KATNBL1: variants seen among roughly 807,000 people sequenced by gnomAD.
The protein encoded by KATNBL1 is katanin regulatory subunit B1 like 1, also known as KATNB1-like protein 1.
KATNBL1 carries 28 observed loss-of-function variants against 44.7 expected under a neutral mutation model. That is an observed-to-expected ratio of 0.63 (90% CI 0.46 to 0.86). KATNBL1 has a LOEUF of 0.86. Among genes scored for constraint, KATNBL1 ranks in the 40% least tolerant of loss-of-function variants. KATNBL1 has a pLI of 0.00. For missense variants in KATNBL1, 272 were observed against 350.7 expected, an observed-to-expected ratio of 0.78 and a Z score of 1.79; for synonymous variants, 78 against 114.9, an observed-to-expected ratio of 0.68 and a Z score of 2.06.
chr15:34,206,226 T>C (rs1416045604), intron 1 of KATNBL1, among the ~76,000 whole-genome samples: 1 of 152,180 alleles, frequency 6.6e-6, no homozygotes, highest in African/African-American at 2.4e-5. Context: ...TCATGACTCA[T>C]ACATAGGTGG....
chr15:34,200,422 G>GTTT (rs71119947), intron 1 of KATNBL1, among the ~76,000 whole-genome samples: 7 of 146,938 alleles, frequency 4.8e-5, no homozygotes, highest in African/African-American at 1.5e-4. Context: ...CCAGCTAATT[G>GTTT]TTTTTTTTTT....
In KATNBL1 at chr15:34,210,068, G is replaced by T. The variant is rs1285336011; in HGVS notation, c.-132C>A. ...GTCCCACTCAGGGCCATTCAAACGCGGCCGCGCGCGCGGCCCGCCGGGATA... is the reference window on the plus strand; with the variant it reads ...GTCCCACTCAGGGCCATTCAAACGCTGCCGCGCGCGCGGCCCGCCGGGATA... On this transcript the variant is annotated 5_prime_UTR_variant, in exon 1 of 10. Coordinates refer to ENST00000256544, the MANE Select transcript of KATNBL1 (RefSeq NM_024713.3). The T allele has an allele frequency of 6.6e-6, 1 of 151,656 alleles. No individual in the cohort carries two copies. The highest frequency in any genetic ancestry group is 1.5e-5 in the Non-Finnish European group (1 of 67,838). 9.4% of individuals were successfully genotyped at this position (151,656 alleles called of 1,614,324 possible). A position where few individuals can be genotyped will look rare whatever the true frequency, so the allele number is the denominator to read the frequency against.
At chr15:34,145,592 G>T (rs950535507) in intron 8 of KATNBL1, 101 bp from the exon 9 acceptor site, 1 of 1,043,494 alleles carries the variant, frequency 9.6e-7, no homozygotes. Context: ...AATTTTTCAG[G>T]TATTTTTCAG....
intron 1 of KATNBL1, among the ~76,000 whole-genome samples, chr15:34,202,876 A>C (rs2056837967): frequency 6.6e-6 from 1 of 152,166 alleles, no homozygotes; most frequent in African/African-American, 2.4e-5. Flanking sequence ...CTGTAATCCC[A>C]GCCACTGGGG....
At chr15:34,181,254 T>G (rs1889515838) in intron 1 of KATNBL1, among the ~76,000 whole-genome samples, 2 of 152,192 alleles carry the variant, frequency 1.3e-5, no homozygotes, top group African/African-American at 4.8e-5. Flanking sequence ...GGCACAATTT[T>G]AATCCATGAT....
chr15:34,181,421 C>T (rs1447906134), intron 1 of KATNBL1, among the ~76,000 whole-genome samples: 1 of 151,506 alleles, frequency 6.6e-6, no homozygotes, highest in Non-Finnish European at 1.5e-5. Flanking sequence ...TCTCGTTTCT[C>T]TTCAGATCGT....
chr15:34,147,873 A>ATT (rs950072912), intron 5 of KATNBL1, among the ~76,000 whole-genome samples: 2 of 150,580 alleles, frequency 1.3e-5, no homozygotes, highest in Non-Finnish European at 3.0e-5. Flanking sequence ...ATTTTTAGTA[A>ATT]TTTTTTTTTT....
At chr15:34,201,706 G>A (rs1350344387) in intron 1 of KATNBL1, among the ~76,000 whole-genome samples, 1 of 152,072 alleles carries the variant, frequency 6.6e-6, no homozygotes, top group African/African-American at 2.4e-5. Context: ...ATATTCAACA[G>A]GGAGGAAAAA....
Position 34,152,929 on chromosome 15 carries a change from T to A in KATNBL1, c.299A>T (p.Lys100Ile). ...PGSGGCDMAN[K>I]ENELACAGHL... is the part of the protein sequence containing the mutation. ...GCCTGCACAAGCCAGTTCATTTTCT[T>A]TATTTGCCATGTCACAGCCCCCACT... is the stretch of plus-strand genomic sequence containing the variant. Residue 100 changes from lysine to isoleucine, a missense_variant, in exon 4 of 10, where the codon AAA becomes ATA. Coordinates refer to ENST00000256544, the MANE Select transcript of KATNBL1 (RefSeq NM_024713.3). The A allele has an allele frequency of 4.3e-6, 7 of 1,614,156 alleles. No homozygotes were observed. Among genetic ancestry groups the A allele is most frequent in the Non-Finnish European group, 5.9e-6 (7 of 1,179,990 alleles).
intron 2 of KATNBL1, among the ~76,000 whole-genome samples, chr15:34,158,238 G>A (rs1418709916): frequency 6.6e-6 from 1 of 152,186 alleles, no homozygotes; most frequent in South Asian, 2.1e-4. Flanking sequence ...TCCCCAATGA[G>A]TCTCTTGATG....
intron 1 of KATNBL1, among the ~76,000 whole-genome samples, chr15:34,191,713 C>G (rs1301570238): frequency 6.6e-6 from 1 of 151,724 alleles, no homozygotes; most frequent in Admixed American, 6.6e-5. Flanking sequence ...TTTGGGAGGC[C>G]GAGGTGGGCG....
intron 1 of KATNBL1, among the ~76,000 whole-genome samples, chr15:34,201,153 A>G (rs1890168504): frequency 6.6e-6 from 1 of 152,218 alleles, no homozygotes. Context: ...AGATTACTAC[A>G]TTAGGGAACT....
intron 1 of KATNBL1, among the ~76,000 whole-genome samples, chr15:34,195,425 C>T (rs771081034): frequency 2.0e-5 from 3 of 151,946 alleles, no homozygotes; most frequent in Admixed American, 6.6e-5. Context: ...AATGGAGACT[C>T]AGAGAGGTAG....
intron 4 of KATNBL1, 133 bp from the exon 5 acceptor site, chr15:34,148,883 GA>G (rs1888387258): frequency 1.7e-6 from 1 of 571,460 alleles, no homozygotes; most frequent in Admixed American, 3.1e-5. Flanking sequence ...CCACAAAAAG[GA>G]ATACTGCAGT....
chr15:34,177,043 T>G (rs57466963), intron 1 of KATNBL1, among the ~76,000 whole-genome samples: 147,723 of 152,168 alleles, frequency 0.97, 71,847 homozygotes, highest in East Asian at 1. Flanking sequence ...AACTGGCAAT[T>G]ATCATTGCCT....
chr15:34,143,097 T>C (rs1237704005), intron 9 of KATNBL1: 2 of 1,063,944 alleles, frequency 1.9e-6, no homozygotes, highest in African/African-American at 1.7e-5. Flanking sequence ...GAACTTCGCA[T>C]TGAACTTTTA....
At chr15:34,200,924 C>A (rs936632743) in intron 1 of KATNBL1, among the ~76,000 whole-genome samples, 2 of 152,148 alleles carry the variant, frequency 1.3e-5, no homozygotes, top group African/African-American at 4.8e-5. Context: ...TCAAGCGATT[C>A]CCCTGCCTCA....
At chr15:34,143,509 G>A (rs971782670) in intron 9 of KATNBL1, among the ~76,000 whole-genome samples, 1 of 151,490 alleles carries the variant, frequency 6.6e-6, no homozygotes, top group Non-Finnish European at 1.5e-5. Flanking sequence ...GCAAATTTCA[G>A]TCATAAGGAA....
intron 1 of KATNBL1, among the ~76,000 whole-genome samples, chr15:34,190,073 T>G (rs1889829782): frequency 6.6e-6 from 1 of 152,034 alleles, no homozygotes; most frequent in East Asian, 1.9e-4. Flanking sequence ...GCCTCCTGAG[T>G]AGCTGGGACT....
Sources: gnomAD v4.1 joint callset for allele counts (sites outside exome capture counted in the v4.1 genomes callset) on GRCh38, gnomAD v4.1.1 for gene constraint, MANE v1.5 for transcripts, NCBI Gene and HGNC (gene_info 2026-07-23, HGNC 2026-07-21) for gene names.